The following ROBO1 variants were observed in gnomAD, a reference collection of about 807,000 sequenced individuals.
ROBO1 encodes the protein roundabout homolog 1.
Under a neutral mutation model 195.9 loss-of-function variants are expected in ROBO1, and 149 were observed. The observed-to-expected ratio is 0.76, with a 90% CI of 0.67 to 0.87. The LOEUF is 0.87. Among genes scored for constraint, ROBO1 ranks in the 40% least tolerant of loss-of-function variants. ROBO1 has a pLI of 0.00. For missense variants in ROBO1, 1,933 were observed against 2,068.3 expected (o/e 0.93, Z 1.27); for synonymous variants, 816 against 733.2 (o/e 1.11, Z -1.82).
At chr3:78,809,433 G>A (rs879632476) in intron 4 of ROBO1, among the ~76,000 whole-genome samples, 24 of 152,114 alleles carry the variant, frequency 1.6e-4, no homozygotes, top group Non-Finnish European at 2.5e-4. Context: ...ACGGTGTGGC[G>A]ATTCCTCAAG....
intron 1 of ROBO1, among the ~76,000 whole-genome samples, chr3:79,692,031 A>G (rs1465860135): frequency 6.6e-6 from 1 of 151,886 alleles, no homozygotes; most frequent in African/African-American, 2.4e-5. Flanking sequence ...TATATTTTTT[A>G]AAGTCAGAGA....
chr3:79,542,371 G>A (rs1008646552), intron 2 of ROBO1, among the ~76,000 whole-genome samples: 14 of 151,844 alleles, frequency 9.2e-5, no homozygotes, highest in African/African-American at 3.4e-4. Context: ...TGTTTTTCCA[G>A]GTTGTAAAAT....
chr3:79,725,286 G>A (rs983242379), intron 1 of ROBO1, among the ~76,000 whole-genome samples: 1 of 141,086 alleles, frequency 7.1e-6, no homozygotes, highest in East Asian at 2.1e-4. Context: ...GAGTGCAGTG[G>A]CGCGATCTCG....
chr3:78,601,298 T>G (rs1395296322), intron 29 of ROBO1, among the ~76,000 whole-genome samples: 1 of 152,124 alleles, frequency 6.6e-6, no homozygotes, highest in African/African-American at 2.4e-5. Flanking sequence ...AGTTCTAAAT[T>G]ATTGCTCCTC....
intron 4 of ROBO1, among the ~76,000 whole-genome samples, chr3:78,898,380 GTTTTTTTTTTT>G (rs773377988): frequency 1.8e-3 from 178 of 101,052 alleles, no homozygotes; most frequent in African/African-American, 6.8e-3. Context: ...GATAGATAGG[GTTTTTTTTTTT>G]TTTTTTTTTT....
chr3:78,947,947 C>T (rs2040546412), intron 3 of ROBO1, among the ~76,000 whole-genome samples: 1 of 152,170 alleles, frequency 6.6e-6, no homozygotes, highest in Admixed American at 6.5e-5. Flanking sequence ...TTCCTCAACA[C>T]ATACATCCTC....
intron 1 of ROBO1, among the ~76,000 whole-genome samples, chr3:79,705,204 C>T (rs1056840201): frequency 1.3e-5 from 2 of 151,814 alleles, no homozygotes; most frequent in African/African-American, 4.8e-5. Flanking sequence ...TTAAATCCAG[C>T]TTATCAATTC....
intron 10 of ROBO1, among the ~76,000 whole-genome samples, chr3:78,673,605 T>TAC (rs1553699011): frequency 0.072 from 3,742 of 52,258 alleles, 226 homozygotes; most frequent in Middle Eastern, 0.12. Flanking sequence ...TATATATATA[T>TAC]ACACACATAT....
chr3:78,700,127 A>AT (rs2081387293), intron 8 of ROBO1, among the ~76,000 whole-genome samples: 1 of 152,192 alleles, frequency 6.6e-6, no homozygotes, highest in Admixed American at 6.5e-5. Flanking sequence ...TGCTACTCAC[A>AT]TTTTAAATAT....
chr3:79,457,980 G>C (rs2039677779), intron 2 of ROBO1, among the ~76,000 whole-genome samples: 1 of 152,022 alleles, frequency 6.6e-6, no homozygotes, highest in Non-Finnish European at 1.5e-5. Context: ...TTTTAATTAG[G>C]GCCTTGAGAA....
chr3:79,159,362 C>A (rs892863469), intron 2 of ROBO1, among the ~76,000 whole-genome samples: 1 of 151,932 alleles, frequency 6.6e-6, no homozygotes, highest in Non-Finnish European at 1.5e-5. Context: ...TATGACCTAT[C>A]ATTTAATAAA....
Position 78,957,302 on chromosome 3 carries a change from C to CAA in ROBO1, c.173-18377_173-18376dup, listed in dbSNP as rs397874209. Among the ~76,000 whole-genome samples, 37 of 94,944 alleles carry CAA rather than the reference C, an allele frequency of 3.9e-4. No individual in the cohort carries two copies. The South Asian group carries it at 6.3e-3, about 16-fold the overall frequency. The allele number at this position is 94,944 out of a possible 152,430, so 62.3% of individuals were successfully genotyped here. On this transcript the variant is annotated intron_variant, in intron 3 of 30. Coordinates refer to ENST00000464233, the MANE Select transcript of ROBO1 (RefSeq NM_002941.4). Reference sequence around the variant, plus strand: ...CTAGATGCTGGTGATACAAGAATGCCAAAAAAAAAAAAAAACCTTCAAAAA... The same window carrying CAA: ...CTAGATGCTGGTGATACAAGAATGCCAAAAAAAAAAAAAAAAACCTTCAAAAA...
chr3:79,693,633 C>T lies in ROBO1; in HGVS notation c.-51+74119G>A, dbSNP rs80330326. Among the ~76,000 whole-genome samples the T allele has an allele frequency of 9.8e-3, 1,488 of 151,646 alleles. 20 individuals carry two copies. The highest frequency in any genetic ancestry group is 0.034 in the African/African-American group (1,426 of 41,402). On this transcript the variant is annotated intron_variant, in intron 1 of 30. Transcript: ENST00000464233. ...TTATTTTTTCACAGAAATTGAATCT[C>T]GGTAATGTGGCCCAGGCTGGTCTCA...
chr3:79,386,505 T>C (rs1395918511), intron 2 of ROBO1, among the ~76,000 whole-genome samples: 1 of 152,094 alleles, frequency 6.6e-6, no homozygotes, highest in Admixed American at 6.6e-5. Flanking sequence ...GAGACTTGTA[T>C]TCTTGGTCAG....
At chr3:79,703,694 C>T (rs1424059532) in intron 1 of ROBO1, among the ~76,000 whole-genome samples, 1 of 151,830 alleles carries the variant, frequency 6.6e-6, no homozygotes, top group African/African-American at 2.4e-5. Context: ...ACTATGTATT[C>T]TTTGATAAAT....
intron 4 of ROBO1, among the ~76,000 whole-genome samples, chr3:78,918,695 A>G (rs1455360464): frequency 1.3e-5 from 2 of 152,130 alleles, no homozygotes; most frequent in East Asian, 3.9e-4. Flanking sequence ...TTAGACTGTC[A>G]ACTTCAGCTT....
In ROBO1 at chr3:79,011,914, C is replaced by T. The variant is rs143209438; in HGVS notation, c.173-72987G>A. On this transcript the variant is annotated intron_variant, in intron 3 of 30. Coordinates refer to ENST00000464233, the MANE Select transcript of ROBO1 (RefSeq NM_002941.4). ...TTACTTTCTATACAAACTGGGCATACGAACTGTGTTTCAAGCAGAACACTG... is the reference window on the plus strand; with the variant it reads ...TTACTTTCTATACAAACTGGGCATATGAACTGTGTTTCAAGCAGAACACTG... 2.2e-4 allele frequency among the ~76,000 whole-genome samples: 33 copies of T among 152,024 alleles called. No individual in the cohort carries two copies. In the East Asian group the frequency reaches 3.7e-3, roughly 17 times the overall value.
At chr3:78,647,363 C>G (rs959124916) in intron 20 of ROBO1, among the ~76,000 whole-genome samples, 1 of 152,002 alleles carries the variant, frequency 6.6e-6, no homozygotes, top group Non-Finnish European at 1.5e-5. Context: ...AAGGTAGAGA[C>G]AGTGTGTCTA....
intron 2 of ROBO1, chr3:79,532,943 T>G (rs540366137): frequency 4.0e-6 from 1 of 250,652 alleles, no homozygotes; most frequent in Non-Finnish European, 8.1e-6. Flanking sequence ...TAGGGGACTG[T>G]CAATTAGGCA....
Sources: allele counts gnomAD v4.1 joint callset (sites outside exome capture counted in the v4.1 genomes callset), GRCh38; gene constraint gnomAD v4.1.1; transcripts MANE v1.5; gene names NCBI Gene and HGNC (gene_info 2026-07-23, HGNC 2026-07-21).